Variants in ADAMTSL1 observed in about 807,000 individuals in gnomAD.
ADAMTSL1 encodes the protein ADAMTS-like protein 1.
A neutral mutation model predicts 201.8 loss-of-function variants in ADAMTSL1; 126 were observed. The ratio of observed to expected loss-of-function variants is 0.62; its 90% CI spans 0.54 to 0.72. The LOEUF is 0.72. Ranked by LOEUF, ADAMTSL1 falls within the 30% of genes least tolerant of loss-of-function variation. The pLI is 0.00. For synonymous variants in ADAMTSL1, 1,121 were observed against 903.4 expected (o/e 1.24, Z -4.32); for missense variants, 2,679 against 2,277.8 (o/e 1.18, Z -3.59).
chr9:18,023,838 G>A (rs1407291949), intron 1 of ADAMTSL1, among the ~76,000 whole-genome samples: 1 of 152,074 alleles, frequency 6.6e-6, no homozygotes, highest in Non-Finnish European at 1.5e-5. Context: ...GCAAAATATA[G>A]CAATGCAGAG....
chr9:18,828,190 G>A (rs1824709961), intron 22 of ADAMTSL1, among the ~76,000 whole-genome samples: 1 of 152,128 alleles, frequency 6.6e-6, no homozygotes, highest in Non-Finnish European at 1.5e-5. Flanking sequence ...TAAAGTTTTA[G>A]GAGAAATATA....
intron 2 of ADAMTSL1, among the ~76,000 whole-genome samples, chr9:18,514,309 T>C (rs1818225433): frequency 2.0e-5 from 3 of 151,034 alleles, no homozygotes; most frequent in Admixed American, 1.3e-4. Context: ...TGTGTAGAAT[T>C]GCAACTGATT....
At chr9:18,525,982 C>T (rs1343926912) in intron 2 of ADAMTSL1, among the ~76,000 whole-genome samples, 1 of 152,150 alleles carries the variant, frequency 6.6e-6, no homozygotes, top group Non-Finnish European at 1.5e-5. Flanking sequence ...GAGCTGAGTT[C>T]AATTCCTGGA....
At chr9:18,170,640 A>C (rs1356274308) in intron 2 of ADAMTSL1, among the ~76,000 whole-genome samples, 1 of 152,100 alleles carries the variant, frequency 6.6e-6, no homozygotes, top group Non-Finnish European at 1.5e-5. Flanking sequence ...AAATAAGAGA[A>C]AGAGAAAAGA....
At chr9:18,886,301 G>A (rs1161093800) in intron 23 of ADAMTSL1, among the ~76,000 whole-genome samples, 3 of 149,886 alleles carry the variant, frequency 2.0e-5, no homozygotes, top group African/African-American at 7.4e-5. Context: ...ACCTGTAATT[G>A]TAGCTACTTG....
At chr9:18,485,313 A>G (rs1001308505) in intron 1 of ADAMTSL1, among the ~76,000 whole-genome samples, 4 of 152,214 alleles carry the variant, frequency 2.6e-5, no homozygotes, top group African/African-American at 9.7e-5. Flanking sequence ...AAAAATAACT[A>G]AACACATTTA....
intron 9 of ADAMTSL1, 116 bp from the exon 10 acceptor site, chr9:18,675,741 C>A (rs1045961085): frequency 1.1e-6 from 1 of 920,010 alleles, no homozygotes; most frequent in Non-Finnish European, 1.7e-6. Flanking sequence ...TTTATAGATA[C>A]AATTTATTAA....
At chr9:18,415,712 G>GGA (rs1483479869) in intron 2 of ADAMTSL1, among the ~76,000 whole-genome samples, 2 of 151,608 alleles carry the variant, frequency 1.3e-5, no homozygotes, top group African/African-American at 4.8e-5. Flanking sequence ...CAAACTCTAA[G>GGA]GACAAAAAAC....
chr9:18,368,714 G>T (rs895585505), intron 2 of ADAMTSL1, among the ~76,000 whole-genome samples: 2 of 152,150 alleles, frequency 1.3e-5, no homozygotes, highest in Non-Finnish European at 2.9e-5. Flanking sequence ...TCTGTGGTGA[G>T]GTTAGAACCA....
At chr9:18,128,892 T>A (rs1249367713) in intron 1 of ADAMTSL1, among the ~76,000 whole-genome samples, 1 of 152,176 alleles carries the variant, frequency 6.6e-6, no homozygotes, top group Non-Finnish European at 1.5e-5. Flanking sequence ...TTTAGAAGAA[T>A]ATCAAGGTAT....
At chr9:18,593,300 A>G (rs1430147921) in intron 4 of ADAMTSL1, among the ~76,000 whole-genome samples, 2 of 152,128 alleles carry the variant, frequency 1.3e-5, no homozygotes, top group Non-Finnish European at 2.9e-5. Flanking sequence ...TTCATATATT[A>G]AAGGAAAGCT....
chr9:18,738,848 C>A (rs1270272492), intron 15 of ADAMTSL1, among the ~76,000 whole-genome samples: 1 of 152,136 alleles, frequency 6.6e-6, no homozygotes. Flanking sequence ...CCAATTCTTT[C>A]TATTTTTCTC....
intron 1 of ADAMTSL1, among the ~76,000 whole-genome samples, chr9:18,034,938 G>C (rs998036170): frequency 6.6e-6 from 1 of 152,042 alleles, no homozygotes; most frequent in South Asian, 2.1e-4. Flanking sequence ...GATTGTTCTA[G>C]TCTTCACTTT....
chr9:18,728,633 G>T (rs1818041303), intron 15 of ADAMTSL1, among the ~76,000 whole-genome samples: 1 of 152,222 alleles, frequency 6.6e-6, no homozygotes, highest in African/African-American at 2.4e-5. Context: ...TTCGGTGGAA[G>T]CTTGAGGCTG....
intron 1 of ADAMTSL1, among the ~76,000 whole-genome samples, chr9:18,128,065 C>A (rs1825809434): frequency 6.6e-6 from 1 of 152,080 alleles, no homozygotes; most frequent in Non-Finnish European, 1.5e-5. Flanking sequence ...TTTTGTCTAA[C>A]AAATGACTAG....
intron 2 of ADAMTSL1, among the ~76,000 whole-genome samples, chr9:18,324,726 C>G (rs1415574889): frequency 1.3e-5 from 2 of 150,244 alleles, no homozygotes; most frequent in African/African-American, 4.9e-5. Context: ...ATCGCGCCAT[C>G]ACACTCCAGC....
At chr9:18,089,723 G>A (rs1443867302) in intron 1 of ADAMTSL1, among the ~76,000 whole-genome samples, 1 of 152,206 alleles carries the variant, frequency 6.6e-6, no homozygotes, top group Non-Finnish European at 1.5e-5. Flanking sequence ...CATAGAAGCA[G>A]AGAGTATAAT....
intron 2 of ADAMTSL1, among the ~76,000 whole-genome samples, chr9:18,331,510 T>G (rs964298044): frequency 2.0e-5 from 3 of 152,162 alleles, no homozygotes; most frequent in African/African-American, 4.8e-5. Context: ...TGCCTTGCTG[T>G]TATAATACAG....
At chr9:18,490,544 T>C (rs1175887863) in intron 1 of ADAMTSL1, among the ~76,000 whole-genome samples, 1 of 151,840 alleles carries the variant, frequency 6.6e-6, no homozygotes, top group Non-Finnish European at 1.5e-5. Context: ...ATCCTGGAGA[T>C]TGGAAGAGAC....
Sources: allele counts gnomAD v4.1 joint callset (sites outside exome capture counted in the v4.1 genomes callset), GRCh38; gene constraint gnomAD v4.1.1; transcripts MANE v1.5; gene names NCBI Gene and HGNC (gene_info 2026-07-23, HGNC 2026-07-21).